VAV3: variants seen among roughly 807,000 people sequenced by gnomAD.
The protein encoded by VAV3 is guanine nucleotide exchange factor VAV3.
Under a neutral mutation model 131.2 loss-of-function variants are expected in VAV3, and 94 were observed. The observed-to-expected ratio is 0.72, with a 90% CI of 0.61 to 0.85. The LOEUF (loss-of-function observed/expected upper bound fraction) is 0.85, where lower values mean the gene tolerates loss of function less well. Ranked by LOEUF, VAV3 falls within the 40% of genes least tolerant of loss-of-function variation. The pLI is 0.00. For missense variants in VAV3, 939 were observed against 1,002.7 expected, an observed-to-expected ratio of 0.94 and a Z score of 0.86; for synonymous variants, 349 against 342.0, an observed-to-expected ratio of 1.02 and a Z score of -0.22.
At chr1:107,653,505 C>T (rs536252294) in intron 19 of VAV3, among the ~76,000 whole-genome samples, 8 of 151,948 alleles carry the variant, frequency 5.3e-5, no homozygotes, top group Admixed American at 3.9e-4. Flanking sequence ...TCTGAGGATC[C>T]GCAATCACCA....
rs1649357917 is a variant in VAV3, at chr1:107,572,947, G to A, written c.*384C>T. 5.1e-6 allele frequency: 1 copy of A among 194,612 alleles called. No homozygotes were observed. Among genetic ancestry groups the A allele is most frequent in the Non-Finnish European group, 1.0e-5 (1 of 96,766 alleles). The allele number at this position is 194,612 out of a possible 1,614,324, so 12.1% of individuals were successfully genotyped here. ...TGTACCATCAAATAATCTGGTGAAT[G>A]GCATGTGAGAATAAAGCAAAAGTGT... On this transcript the variant is annotated 3_prime_UTR_variant, in exon 27 of 27. Coordinates refer to ENST00000370056, the MANE Select transcript of VAV3 (RefSeq NM_006113.5).
At chr1:107,808,141 G>C (rs1303194978) in intron 2 of VAV3, among the ~76,000 whole-genome samples, 1 of 152,098 alleles carries the variant, frequency 6.6e-6, no homozygotes, top group Non-Finnish European at 1.5e-5. Context: ...GGGAAGCTTT[G>C]CTGACATATT....
At chr1:107,761,402 AAAAAAAAG>A (rs1360897021) in intron 9 of VAV3, among the ~76,000 whole-genome samples, 4 of 151,944 alleles carry the variant, frequency 2.6e-5, no homozygotes, top group Non-Finnish European at 5.9e-5. Context: ...CAAAAAAAAA[AAAAAAAAG>A]AAAAAAGAAA....
chr1:107,714,860 A>C lies in VAV3; in HGVS notation c.1503-9799T>G, dbSNP rs1001948839. Among the ~76,000 whole-genome samples the C allele has an allele frequency of 1.3e-5, 2 of 152,200 alleles. 1 individual carries two copies. The highest frequency in any genetic ancestry group is 4.1e-4 in the South Asian group (2 of 4,826). ...AAATCAGATCATGCTTAGCTCTGAA[A>C]AATAGTATTTTCTTATCTACTATAT... On this transcript the variant is annotated intron_variant, in intron 15 of 26. Transcript: ENST00000370056.
In VAV3 at chr1:107,944,840, T is replaced by C. The variant is rs1430963517; in HGVS notation, c.204+19826A>G. Among the ~76,000 whole-genome samples, 3 of 152,184 alleles carry C rather than the reference T, an allele frequency of 2.0e-5. No homozygotes were observed. The East Asian group carries it at 5.8e-4, about 29-fold the overall frequency. ...AGGCTGGTCTCGAACTCCTGAGCTC[T>C]GGCAATCCGCCCGCCTCGGCCTCCC... On this transcript the variant is annotated intron_variant, in intron 1 of 26. Coordinates refer to ENST00000370056, the MANE Select transcript of VAV3 (RefSeq NM_006113.5).
At chr1:107,633,562 T>C (rs1232665478) in intron 20 of VAV3, among the ~76,000 whole-genome samples, 6 of 152,160 alleles carry the variant, frequency 3.9e-5, no homozygotes, top group Non-Finnish European at 7.4e-5. Context: ...TGGCACACTG[T>C]TATTTTGGTA....
In VAV3 at chr1:107,574,992, TGCGTGCGTGCGC is replaced by T. The variant is rs770561346; in HGVS notation, c.2351-806_2351-795del. 4.2e-4 allele frequency among the ~76,000 whole-genome samples: 27 copies of T among 64,318 alleles called. No homozygotes were observed. In the East Asian group the frequency reaches 0.014, roughly 33 times the overall value. 42.2% of individuals were successfully genotyped at this position (64,318 alleles called of 152,430 possible). A position where few individuals can be genotyped will look rare whatever the true frequency, so the allele number is the denominator to read the frequency against. ...GTGTGTGTGTGTGTGTGTGTGTGTG[TGCGTGCGTGCGC>T]GCGCGCGCGCGCACACGCGCGCGTG... On this transcript the variant is annotated intron_variant, in intron 25 of 26. Transcript: ENST00000370056.
rs1310131177 is a variant in VAV3, at chr1:107,869,721, G to A, written c.321+5180C>T. On this transcript the variant is annotated intron_variant, in intron 2 of 26. Coordinates refer to ENST00000370056, the MANE Select transcript of VAV3 (RefSeq NM_006113.5). ...TTACATGAGTAAGTTATTTAGTGGT[G>A]ATCTGAGATTTTGGTGCACCAATCA... 2.6e-5 allele frequency among the ~76,000 whole-genome samples: 4 copies of A among 152,286 alleles called. No homozygotes were observed. The South Asian group carries it at 6.2e-4, about 24-fold the overall frequency.
intron 1 of VAV3, among the ~76,000 whole-genome samples, chr1:107,940,099 T>C (rs1241101741): frequency 2.0e-5 from 3 of 152,212 alleles, no homozygotes; most frequent in Non-Finnish European, 4.4e-5. Context: ...AAATTTCGTA[T>C]TCTATATTAC....
intron 15 of VAV3, among the ~76,000 whole-genome samples, chr1:107,728,304 A>G (rs902296325): frequency 2.6e-5 from 4 of 152,144 alleles, no homozygotes; most frequent in African/African-American, 9.7e-5. Flanking sequence ...ATCACCAGGG[A>G]TTAAAGGACC....
intron 1 of VAV3, among the ~76,000 whole-genome samples, chr1:107,939,150 T>C (rs1225447559): frequency 1.3e-5 from 2 of 152,222 alleles, no homozygotes; most frequent in Non-Finnish European, 2.9e-5. Context: ...TAAATTTGTC[T>C]AGTTTTTTTT....
chr1:107,699,208 C>T (rs925885236), intron 17 of VAV3, among the ~76,000 whole-genome samples: 108 of 152,356 alleles, frequency 7.1e-4, no homozygotes, highest in African/African-American at 2.5e-3. Context: ...TAAGTTAGTT[C>T]CTCCCAAGAT....
chr1:107,769,858 T>G (rs1479866577), intron 6 of VAV3, among the ~76,000 whole-genome samples: 1 of 152,208 alleles, frequency 6.6e-6, no homozygotes, highest in Non-Finnish European at 1.5e-5. Context: ...TGGTTCTATG[T>G]TTAAAATTTA....
intron 2 of VAV3, among the ~76,000 whole-genome samples, chr1:107,815,654 G>A (rs1667531542): frequency 6.6e-6 from 1 of 152,176 alleles, no homozygotes; most frequent in Non-Finnish European, 1.5e-5. Context: ...GTAGTAAACT[G>A]CTTCTTTAAA....
chr1:107,832,485 C>A (rs1454812663), intron 2 of VAV3, among the ~76,000 whole-genome samples: 3 of 152,238 alleles, frequency 2.0e-5, no homozygotes, highest in Non-Finnish European at 2.9e-5. Context: ...GGCAGTCCCA[C>A]TGACTGCCTT....
At position 107,867,375 on chromosome 1, in the gene VAV3, G is replaced by A. The variant is rs58774169; in HGVS notation, c.321+7526C>T. 9.4e-3 allele frequency among the ~76,000 whole-genome samples: 1,436 copies of A among 152,242 alleles called. 30 individuals are homozygous for A. Among genetic ancestry groups the A allele is most frequent in the African/African-American group, 0.033 (1,370 of 41,528 alleles). ...TGGCTCGGGTACTAAAGTTCTATAA[G>A]AGGAGGTAGGAATGGAAAAATCTGC... On this transcript the variant is annotated intron_variant, in intron 2 of 26. Transcript: ENST00000370056.
At chr1:107,711,315 G>A (rs1660768597) in intron 15 of VAV3, among the ~76,000 whole-genome samples, 1 of 152,176 alleles carries the variant, frequency 6.6e-6, no homozygotes, top group African/African-American at 2.4e-5. Context: ...GAGACCCCGA[G>A]TGCAAAGATT....
At chr1:107,575,005 GCGCGCGCGCGCA>G (rs1216091266) in intron 25 of VAV3, among the ~76,000 whole-genome samples, 16 of 39,454 alleles carry the variant, frequency 4.1e-4, no homozygotes, top group South Asian at 8.5e-4. Context: ...GTGCGTGCGC[GCGCGCGCGCGCA>G]CACGCGCGCG....
chr1:107,756,116 A>G (rs1664086697), intron 11 of VAV3, among the ~76,000 whole-genome samples: 1 of 152,232 alleles, frequency 6.6e-6, no homozygotes, highest in Admixed American at 6.5e-5. Flanking sequence ...AATTTAATTC[A>G]TGAATTAAAG....
Sources: allele counts gnomAD v4.1 joint callset (sites outside exome capture counted in the v4.1 genomes callset), GRCh38; gene constraint gnomAD v4.1.1; transcripts MANE v1.5; gene names NCBI Gene and HGNC (gene_info 2026-07-23, HGNC 2026-07-21).